Variants in SEC63 observed in about 807,000 individuals in gnomAD.
SEC63 encodes translocation protein SEC63 homolog.
A neutral mutation model predicts 116.2 loss-of-function variants in SEC63; 56 were observed. The ratio of observed to expected loss-of-function variants is 0.48; its 90% CI spans 0.39 to 0.60. The LOEUF (loss-of-function observed/expected upper bound fraction) is 0.60, where lower values mean the gene tolerates loss of function less well. SEC63 is among the 20% of genes least tolerant of loss of function. The pLI, the probability that SEC63 is intolerant of heterozygous loss-of-function variation, is 0.00. For synonymous variants in SEC63, 273 were observed against 294.6 expected, an observed-to-expected ratio of 0.93 and a Z score of 0.75; for missense variants, 668 against 900.0, an observed-to-expected ratio of 0.74 and a Z score of 3.30.
intron 16 of SEC63, chr6:107,883,368 T>A: frequency 2.0e-6 from 1 of 509,590 alleles, no homozygotes; most frequent in Non-Finnish European, 3.4e-6. Context: ...GTTAGTTATT[T>A]TATTCATTCT....
intron 1 of SEC63, among the ~76,000 whole-genome samples, chr6:107,953,649 A>C (rs1357499635): frequency 7.4e-5 from 9 of 121,672 alleles, no homozygotes; most frequent in South Asian, 2.9e-4. Flanking sequence ...CCTACTGGCA[A>C]GTGAGGAGCC....
chr6:107,925,437 A>C (rs542620224), intron 2 of SEC63, among the ~76,000 whole-genome samples: 1 of 152,374 alleles, frequency 6.6e-6, no homozygotes, highest in African/African-American at 2.4e-5. Flanking sequence ...CTATTTACAA[A>C]GAAATAATTA....
At chr6:107,952,142 TA>T (rs763668301) in intron 1 of SEC63, among the ~76,000 whole-genome samples, 1 of 152,054 alleles carries the variant, frequency 6.6e-6, no homozygotes, top group Non-Finnish European at 1.5e-5. Context: ...ACCAAGAGAG[TA>T]AAACAAATAA....
rs1435642438 is a variant in SEC63 at position 107,909,048 on chromosome 6, A to C, written c.625-13T>G. 10 of 1,568,356 alleles carry C rather than the reference A, an allele frequency of 6.4e-6. No individual in the cohort carries two copies. The highest frequency in any genetic ancestry group is 8.8e-6 in the Non-Finnish European group (10 of 1,139,074). On this transcript the variant is annotated splice_polypyrimidine_tract_variant and intron_variant, in intron 7 of 20. Coordinates refer to ENST00000369002, the MANE Select transcript of SEC63 (RefSeq NM_007214.5). Reference sequence around the variant, plus strand: ...ACCACCAAGAGCCCTAAAACACAAAAAAAATTAAACAAGAAAGAAAGTATA... The same window carrying C: ...ACCACCAAGAGCCCTAAAACACAAACAAAATTAAACAAGAAAGAAAGTATA...
Position 107,912,739 on chromosome 6 carries a change from C to T in SEC63, c.550G>A (p.Val184Ile). ...SFGIALPAWI[V>I]DQKNSILVLL... ...ACCAGAATTGAGTTTTTCTGGTCAA[C>T]TATCCAAGCTGGCAGGGCAATTCCA... is the stretch of plus-strand genomic sequence containing the variant. The change falls in exon 6 of 21, where the codon GTT (valine) becomes ATT (isoleucine). Residue 184 changes from valine to isoleucine, a missense_variant. Val to Ile is a conservative substitution (Grantham distance 29, BLOSUM62 3). This residue lies in a region of SEC63 where 430 missense variants were observed against 557.5 expected (regional missense o/e 0.77). Coordinates refer to ENST00000369002, the MANE Select transcript of SEC63 (RefSeq NM_007214.5). The T allele has an allele frequency of 6.2e-7, 1 of 1,611,522 alleles. No individual in the cohort carries two copies. Among genetic ancestry groups the T allele is most frequent in the Non-Finnish European group, 8.5e-7 (1 of 1,177,752 alleles).
chr6:107,928,076 G>T (rs1787716725), intron 2 of SEC63, among the ~76,000 whole-genome samples: 1 of 152,060 alleles, frequency 6.6e-6, no homozygotes, highest in Non-Finnish European at 1.5e-5. Flanking sequence ...CAACAGTAAA[G>T]AATAAACAGT....
intron 4 of SEC63, among the ~76,000 whole-genome samples, chr6:107,916,672 G>A (rs1787407095): frequency 6.6e-6 from 1 of 152,106 alleles, no homozygotes; most frequent in South Asian, 2.1e-4. Context: ...TCACATTTTG[G>A]TAAGTCTCAC....
chr6:107,911,850 A>C (rs1385251856), intron 6 of SEC63, among the ~76,000 whole-genome samples: 1 of 152,236 alleles, frequency 6.6e-6, no homozygotes, highest in Non-Finnish European at 1.5e-5. Context: ...ATGAGATAAG[A>C]AGCCCCTGGC....
chr6:107,899,074 T>C (rs847115), intron 13 of SEC63, among the ~76,000 whole-genome samples: 3,675 of 152,294 alleles, frequency 0.024, 122 homozygotes, highest in African/African-American at 0.083. Context: ...AAGCAGGTCA[T>C]GTGAAATAAC....
At chr6:107,904,809 G>T (rs1787107068) in intron 10 of SEC63, 88 bp from the exon 11 acceptor site, 4 of 952,468 alleles carry the variant, frequency 4.2e-6, no homozygotes, top group South Asian at 3.9e-5. Context: ...TAATATTAAA[G>T]TTATGCCACA....
chr6:107,940,337 A>T (rs1770349061), intron 1 of SEC63, among the ~76,000 whole-genome samples: 1 of 152,236 alleles, frequency 6.6e-6, no homozygotes, highest in Non-Finnish European at 1.5e-5. Context: ...GGTACTTGAC[A>T]GCAGCATACA....
chr6:107,919,201 G>A (rs746959442), intron 4 of SEC63, among the ~76,000 whole-genome samples: 2 of 152,072 alleles, frequency 1.3e-5, no homozygotes, highest in Non-Finnish European at 2.9e-5. Context: ...ATGAGCTACC[G>A]CGCCTGGCCA....
intron 18 of SEC63, among the ~76,000 whole-genome samples, chr6:107,879,552 T>C (rs1373810736): frequency 6.6e-6 from 1 of 152,160 alleles, no homozygotes; most frequent in Admixed American, 6.5e-5. Context: ...CTCAAACTCC[T>C]GACCTCAGGT....
At chr6:107,912,630 A>T in intron 6 of SEC63, 86 bp downstream of exon 6, 2 of 787,442 alleles carry the variant, frequency 2.5e-6, no homozygotes, top group South Asian at 2.9e-5. Flanking sequence ...TCTTTGTAAT[A>T]GTTCTTCTTG....
At chr6:107,944,525 C>CT (rs1467504370) in intron 1 of SEC63, among the ~76,000 whole-genome samples, 1 of 151,922 alleles carries the variant, frequency 6.6e-6, no homozygotes, top group Non-Finnish European at 1.5e-5. Context: ...TGGTGAAACC[C>CT]GTCTGTACTA....
intron 10 of SEC63, 152 bp downstream of exon 10, chr6:107,906,296 T>G: frequency 1.1e-6 from 1 of 900,526 alleles, no homozygotes; most frequent in Admixed American, 1.9e-5. Context: ...ATCAGAACAA[T>G]GAGCCAATTA....
intron 11 of SEC63, among the ~76,000 whole-genome samples, chr6:107,903,425 G>GGCAT (rs1787055314): frequency 6.6e-6 from 1 of 152,034 alleles, no homozygotes; most frequent in Non-Finnish European, 1.5e-5. Flanking sequence ...GGTGCCTGTA[G>GGCAT]GCATGTGGCT....
chr6:107,888,534 G>T (rs1786594923), intron 16 of SEC63, among the ~76,000 whole-genome samples: 1 of 152,178 alleles, frequency 6.6e-6, no homozygotes, highest in African/African-American at 2.4e-5. Flanking sequence ...CATGTCATCT[G>T]CAAACAAAGA....
chr6:107,926,656 C>T (rs1787683027), intron 2 of SEC63, among the ~76,000 whole-genome samples: 1 of 152,154 alleles, frequency 6.6e-6, no homozygotes, highest in South Asian at 2.1e-4. Flanking sequence ...CAAGAATTAA[C>T]TCCCCTTTTG....
Sources: allele counts gnomAD v4.1 joint callset (sites outside exome capture counted in the v4.1 genomes callset), GRCh38; gene constraint gnomAD v4.1.1; regional missense constraint gnomAD v4.1.1; transcripts MANE v1.5; gene names NCBI Gene and HGNC (gene_info 2026-07-23, HGNC 2026-07-21).